Variants in COTL1 observed in about 807,000 individuals in gnomAD.
The protein encoded by COTL1 is coactosin-like protein.
In COTL1, 15 loss-of-function variants were observed where a neutral mutation model predicts 16.5. The observed-to-expected ratio is 0.91, with a 90% CI of 0.61 to 1.40. The LOEUF is 1.40. COTL1 is among the 40% of genes most tolerant of loss of function. The pLI, the probability that COTL1 is intolerant of heterozygous loss-of-function variation, is 0.00. For missense variants in COTL1, 220 were observed against 201.5 expected, an observed-to-expected ratio of 1.09 and a Z score of -0.56; for synonymous variants, 112 against 85.3, an observed-to-expected ratio of 1.31 and a Z score of -1.73.
chr16:84,566,761 G>A lies in COTL1; in HGVS notation c.*84C>T. ...CTTCTTTTCTCCCTGGTGGGCTGGT[G>A]GGCTAGTAGCTGAGGCCGGCGGTCC... On this transcript the variant is annotated 3_prime_UTR_variant, in exon 4 of 4. Coordinates refer to ENST00000262428, the MANE Select transcript of COTL1 (RefSeq NM_021149.5). 1 of 877,504 alleles carries A rather than the reference G, an allele frequency of 1.1e-6. No individual in the cohort carries two copies. The highest frequency in any genetic ancestry group is 1.9e-6 in the Non-Finnish European group (1 of 535,774). 54.4% of individuals were successfully genotyped at this position (877,504 alleles called of 1,614,324 possible).
Position 84,567,138 on chromosome 16 carries a change from A to G in COTL1, c.319-183T>C, listed in dbSNP as rs529372403. On this transcript the variant is annotated intron_variant, in intron 3 of 3. Transcript: ENST00000262428. ...GCAGAGTCAATGGAAATTGAACAGC[A>G]GAGTCATCTGGCAGAAAAAACCTGA... The G allele has an allele frequency of 1.0e-4, 56 of 562,776 alleles. No individual in the cohort carries two copies. In the East Asian group the frequency reaches 1.7e-3, roughly 17 times the overall value. The allele number at this position is 562,776 out of a possible 1,614,324, so 34.9% of individuals were successfully genotyped here.
intron 3 of COTL1, among the ~76,000 whole-genome samples, chr16:84,572,387 G>T (rs1206794729): frequency 6.6e-6 from 1 of 152,206 alleles, no homozygotes; most frequent in Non-Finnish European, 1.5e-5. Flanking sequence ...GGGGCAGGTG[G>T]CAAGACTCAG....
chr16:84,602,216 G>T (rs939048024), intron 2 of COTL1, among the ~76,000 whole-genome samples: 1 of 145,606 alleles, frequency 6.9e-6, no homozygotes, highest in Non-Finnish European at 1.5e-5. Context: ...GGTGGGGGGG[G>T]TGCCATTTTA....
chr16:84,600,610 G>C (rs113663945), intron 2 of COTL1, among the ~76,000 whole-genome samples: 1 of 152,192 alleles, frequency 6.6e-6, no homozygotes, highest in Non-Finnish European at 1.5e-5. Flanking sequence ...ACTGCGCCCG[G>C]CCAAGGCTCT....
chr16:84,579,684 A>G (rs1371409887), intron 3 of COTL1, among the ~76,000 whole-genome samples: 2 of 152,216 alleles, frequency 1.3e-5, no homozygotes, highest in Non-Finnish European at 2.9e-5. Flanking sequence ...ACAGCGACTT[A>G]GAATAAAACC....
chr16:84,602,622 A>T (rs1423127695), intron 2 of COTL1, among the ~76,000 whole-genome samples: 1 of 152,218 alleles, frequency 6.6e-6, no homozygotes, highest in Non-Finnish European at 1.5e-5. Context: ...TGGGAGGCCA[A>T]GGCGAGCAGA....
intron 3 of COTL1, among the ~76,000 whole-genome samples, chr16:84,574,917 A>G (rs1904417869): frequency 1.3e-5 from 2 of 152,322 alleles, no homozygotes; most frequent in South Asian, 4.1e-4. Flanking sequence ...GAGGAGGGTA[A>G]TATAGCAGAG....
At chr16:84,614,021 G>A (rs780023116) in intron 2 of COTL1, among the ~76,000 whole-genome samples, 44 of 152,250 alleles carry the variant, frequency 2.9e-4, no homozygotes, top group Non-Finnish European at 5.7e-4. Context: ...CCCCCTCCCC[G>A]CAAGAATGGA....
At chr16:84,613,006 C>T (rs57951250) in intron 2 of COTL1, among the ~76,000 whole-genome samples, 101,414 of 136,962 alleles carry the variant, frequency 0.74, 37,851 homozygotes, top group South Asian at 0.76. Flanking sequence ...TTCTTTCTTT[C>T]TTTTTTTTTT....
intron 2 of COTL1, among the ~76,000 whole-genome samples, chr16:84,599,213 T>C (rs1301228672): frequency 6.6e-6 from 1 of 152,110 alleles, no homozygotes; most frequent in African/African-American, 2.4e-5. Flanking sequence ...TGGGGGCCTC[T>C]GCCTTTTCCC....
intron 2 of COTL1, among the ~76,000 whole-genome samples, chr16:84,614,468 A>G (rs566048376): frequency 6.6e-6 from 1 of 151,412 alleles, no homozygotes; most frequent in South Asian, 2.1e-4. Context: ...GGCTGGGTGG[A>G]GAGATCCCAT....
chr16:84,571,395 G>A (rs1904333916), intron 3 of COTL1, among the ~76,000 whole-genome samples: 1 of 152,164 alleles, frequency 6.6e-6, no homozygotes, highest in Admixed American at 6.5e-5. Context: ...GTCATCTCTT[G>A]CCCCTCAATT....
At chr16:84,594,626 G>A (rs1363271899) in intron 2 of COTL1, 9 of 152,226 alleles carry the variant, frequency 5.9e-5, no homozygotes, top group Admixed American at 3.3e-4. Context: ...AAAAGAACAC[G>A]GTGAGTGTGT....
intron 3 of COTL1, among the ~76,000 whole-genome samples, chr16:84,570,928 C>A (rs1168393941): frequency 6.7e-6 from 1 of 150,184 alleles, no homozygotes; most frequent in African/African-American, 2.4e-5. Flanking sequence ...AGAGAATGTG[C>A]AAAATTGAGT....
chr16:84,574,745 G>A (rs1198437441), intron 3 of COTL1, among the ~76,000 whole-genome samples: 2 of 152,028 alleles, frequency 1.3e-5, no homozygotes, highest in African/African-American at 4.8e-5. Flanking sequence ...CACCACGCCT[G>A]GCTAATTTTT....
intron 2 of COTL1, among the ~76,000 whole-genome samples, chr16:84,604,055 G>A (rs1383679027): frequency 8.6e-6 from 1 of 115,734 alleles, no homozygotes; most frequent in Non-Finnish European, 1.8e-5. Context: ...CCCTCCCGCT[G>A]CCCCACCACG....
intron 3 of COTL1, among the ~76,000 whole-genome samples, chr16:84,578,759 A>G (rs1904509217): frequency 6.6e-6 from 1 of 152,088 alleles, no homozygotes; most frequent in Non-Finnish European, 1.5e-5. Flanking sequence ...ATGCACATGC[A>G]CATACAGGCA....
At chr16:84,598,256 G>A (rs926757202) in intron 2 of COTL1, among the ~76,000 whole-genome samples, 3 of 152,078 alleles carry the variant, frequency 2.0e-5, no homozygotes, top group Non-Finnish European at 4.4e-5. Context: ...CAAAAGAGCC[G>A]GACCCTTCCT....
At chr16:84,612,357 G>A (rs570467195) in intron 2 of COTL1, among the ~76,000 whole-genome samples, 18 of 152,310 alleles carry the variant, frequency 1.2e-4, no homozygotes, top group Admixed American at 7.8e-4. Context: ...GGTCTAATGC[G>A]TGTCCACATG....
Sources: gnomAD v4.1 joint callset for allele counts (sites outside exome capture counted in the v4.1 genomes callset) on GRCh38, gnomAD v4.1.1 for gene constraint, MANE v1.5 for transcripts, NCBI Gene and HGNC (gene_info 2026-07-23, HGNC 2026-07-21) for gene names.